Variants in FRMPD4 observed in about 807,000 individuals in gnomAD.
The protein encoded by FRMPD4 is FERM and PDZ domain-containing protein 4.
FRMPD4 carries 22 observed loss-of-function variants against 94.1 expected under a neutral mutation model. That is an observed-to-expected ratio of 0.23 (90% CI 0.17 to 0.33). The LOEUF (loss-of-function observed/expected upper bound fraction) is 0.33. Ranked by LOEUF, FRMPD4 falls within the 10% of genes least tolerant of loss-of-function variation. FRMPD4 has a pLI of 1.00. For missense variants in FRMPD4, 1,111 were observed against 1,339.9 expected (o/e 0.83, Z 2.67); for synonymous variants, 631 against 548.6 (o/e 1.15, Z -2.10).
chrX:12,268,923 A>G (rs1007630186), intron 1 of FRMPD4, among the ~76,000 whole-genome samples: 1 of 112,429 alleles, frequency 8.9e-6, no homozygotes, highest in Non-Finnish European at 1.9e-5. Context: ...TAGTCATAGA[A>G]TGATCATTGA....
At chrX:12,069,066 G>T (rs1042294196) in intron 3 of FRMPD4, among the ~76,000 whole-genome samples, 3 of 111,789 alleles carry the variant, frequency 2.7e-5, no homozygotes, top group Non-Finnish European at 3.8e-5. Flanking sequence ...ATATAGGGAG[G>T]CTGGGAAGGC....
chrX:12,111,378 T>C (rs1215358276), intron 3 of FRMPD4, among the ~76,000 whole-genome samples: 1 of 111,859 alleles, frequency 8.9e-6, no homozygotes, highest in Non-Finnish European at 1.9e-5. Context: ...TGTAGAAAGC[T>C]GAAACTGGAT....
intron 1 of FRMPD4, among the ~76,000 whole-genome samples, chrX:12,297,110 A>G (rs2054784727): frequency 8.9e-6 from 1 of 112,668 alleles, no homozygotes; most frequent in Non-Finnish European, 1.9e-5. Flanking sequence ...TTGACTGTCC[A>G]TTTACACACC....
Position 12,324,810 on chromosome X carries a change from G to C in FRMPD4, c.42-173870G>C, listed in dbSNP as rs1430096974. ...CTATTACTAATATATTTTCTAATTA[G>C]GTAAGATAATGGGTGTGGATTTTTA... On this transcript the variant is annotated intron_variant, in intron 1 of 16. Transcript: ENST00000675598. Among the ~76,000 whole-genome samples, 3 of 108,854 alleles carry C rather than the reference G, an allele frequency of 2.8e-5. No homozygotes were observed. In the Admixed American group the frequency reaches 2.9e-4, roughly 11 times the overall value. The allele number at this position is 108,854 out of a possible 115,157, so 94.5% of individuals were successfully genotyped here. A position where few individuals can be genotyped will look rare whatever the true frequency, so the allele number is the denominator to read the frequency against.
intron 3 of FRMPD4, among the ~76,000 whole-genome samples, chrX:11,976,178 G>T (rs2054366220): frequency 9.0e-6 from 1 of 111,575 alleles, no homozygotes; most frequent in African/African-American, 3.3e-5. Context: ...ACATTGAAAT[G>T]GGGGAGTGGG....
chrX:12,386,254 T>A (rs2056395790), intron 1 of FRMPD4, among the ~76,000 whole-genome samples: 1 of 112,247 alleles, frequency 8.9e-6, no homozygotes, highest in Admixed American at 9.4e-5. Context: ...AATGATGAGG[T>A]ACAAAGCAAC....
At chrX:12,236,723 CT>C (rs2057074816) in intron 1 of FRMPD4, among the ~76,000 whole-genome samples, 1 of 111,910 alleles carries the variant, frequency 8.9e-6, no homozygotes, top group African/African-American at 3.2e-5. Context: ...AAGGCCAATT[CT>C]TATCTTGTTC....
At chrX:12,710,051 C>A in intron 13 of FRMPD4, among the ~76,000 whole-genome samples, 2 of 111,321 alleles carry the variant, frequency 1.8e-5, no homozygotes, top group Middle Eastern at 9.3e-3. Flanking sequence ...TCGCTTAAAC[C>A]CAGGAGGTGG....
chrX:11,919,615 T>C (rs1203823073), intron 3 of FRMPD4, among the ~76,000 whole-genome samples: 3 of 111,497 alleles, frequency 2.7e-5, no homozygotes, highest in African/African-American at 6.5e-5. Flanking sequence ...TACTTGGAGA[T>C]ATGACACTGG....
intron 1 of FRMPD4, among the ~76,000 whole-genome samples, chrX:12,312,409 C>A (rs927157825): frequency 1.9e-5 from 2 of 107,713 alleles, no homozygotes; most frequent in Non-Finnish European, 3.8e-5. Context: ...CCTGCCACCA[C>A]GCCCAGCTAA....
intron 1 of FRMPD4, among the ~76,000 whole-genome samples, chrX:12,352,920 G>A (rs1054743573): frequency 1.8e-5 from 2 of 111,681 alleles, no homozygotes; most frequent in Non-Finnish European, 3.8e-5. Flanking sequence ...AGGGAGCCTG[G>A]GTATTCCTTT....
chrX:11,929,112 C>T (rs775887391), intron 3 of FRMPD4, among the ~76,000 whole-genome samples: 11 of 111,902 alleles, frequency 9.8e-5, no homozygotes, highest in South Asian at 3.8e-4. Context: ...GAGGGTGGAG[C>T]GTGGGAGGAA....
chrX:12,169,140 G>A (rs1244605190), intron 1 of FRMPD4, among the ~76,000 whole-genome samples: 1 of 112,205 alleles, frequency 8.9e-6, no homozygotes, highest in East Asian at 2.8e-4. Flanking sequence ...GAAGAAGATT[G>A]TTCAAAATAG....
At chrX:12,588,298 G>A (rs2058951180) in intron 2 of FRMPD4, among the ~76,000 whole-genome samples, 1 of 112,426 alleles carries the variant, frequency 8.9e-6, no homozygotes, top group Non-Finnish European at 1.9e-5. Flanking sequence ...CCTGAGAATT[G>A]TTAAATGATG....
intron 1 of FRMPD4, among the ~76,000 whole-genome samples, chrX:12,333,023 G>T (rs1475045270): frequency 2.7e-5 from 3 of 111,665 alleles, no homozygotes; most frequent in Admixed American, 1.9e-4. Context: ...AGGCACTATG[G>T]TATATTTTTC....
At chrX:11,934,703 T>C (rs968668507) in intron 3 of FRMPD4, among the ~76,000 whole-genome samples, 2 of 111,972 alleles carry the variant, frequency 1.8e-5, no homozygotes, top group African/African-American at 6.5e-5. Flanking sequence ...TATAAACTCT[T>C]TGAAGTTATG....
At chrX:12,197,540 T>A (rs777386150) in intron 1 of FRMPD4, among the ~76,000 whole-genome samples, 1 of 111,587 alleles carries the variant, frequency 9.0e-6, no homozygotes, top group South Asian at 3.7e-4. Context: ...AAGGCACTGA[T>A]AAGTTTGAAC....
At chrX:12,306,369 C>T (rs1306477439) in intron 1 of FRMPD4, among the ~76,000 whole-genome samples, 1 of 112,013 alleles carries the variant, frequency 8.9e-6, no homozygotes, top group Non-Finnish European at 1.9e-5. Flanking sequence ...ACACCCTATG[C>T]AGCTCCTAGT....
chrX:12,128,541 G>A (rs748471719), intron 3 of FRMPD4, among the ~76,000 whole-genome samples: 1 of 112,207 alleles, frequency 8.9e-6, no homozygotes, highest in South Asian at 3.8e-4. Context: ...TCTCTGACAT[G>A]CCCTGGAGAC....
Sources: gnomAD v4.1 joint callset for allele counts (sites outside exome capture counted in the v4.1 genomes callset) on GRCh38, gnomAD v4.1.1 for gene constraint, MANE v1.5 for transcripts, NCBI Gene and HGNC (gene_info 2026-07-23, HGNC 2026-07-21) for gene names.